ROBO1: variants seen among roughly 807,000 people sequenced by gnomAD.
ROBO1 encodes roundabout guidance receptor 1.
Under a neutral mutation model 195.9 loss-of-function variants are expected in ROBO1, and 149 were observed. That is an observed-to-expected ratio of 0.76 (90% CI 0.67 to 0.87). The LOEUF is 0.87. Ranked by LOEUF, ROBO1 falls within the 40% of genes least tolerant of loss-of-function variation. ROBO1 has a pLI of 0.00. For synonymous variants in ROBO1, 816 were observed against 733.2 expected (o/e 1.11, Z -1.82); for missense variants, 1,933 against 2,068.3 (o/e 0.93, Z 1.27).
chr3:78,676,071 G>T (rs1212704693), intron 10 of ROBO1, among the ~76,000 whole-genome samples: 2 of 152,176 alleles, frequency 1.3e-5, no homozygotes, highest in Non-Finnish European at 2.9e-5. Context: ...AACAGGGTCT[G>T]GAGTGGACCT....
intron 4 of ROBO1, among the ~76,000 whole-genome samples, chr3:78,910,639 C>T (rs1399411678): frequency 1.3e-5 from 2 of 151,868 alleles, no homozygotes; most frequent in Admixed American, 6.6e-5. Flanking sequence ...CGGCAAATGA[C>T]GGGATATGAC....
chr3:78,796,810 A>G (rs956660263), intron 4 of ROBO1, among the ~76,000 whole-genome samples: 36 of 152,228 alleles, frequency 2.4e-4, no homozygotes, highest in Non-Finnish European at 5.9e-5. Context: ...TCTCTCTGCA[A>G]CATGAGTGTT....
chr3:79,084,236 C>A (rs555010351), intron 3 of ROBO1, among the ~76,000 whole-genome samples: 1 of 152,144 alleles, frequency 6.6e-6, no homozygotes, highest in Non-Finnish European at 1.5e-5. Context: ...CGGTGGCTCA[C>A]GCCTGTAATC....
At chr3:79,044,146 A>G (rs1309389140) in intron 3 of ROBO1, among the ~76,000 whole-genome samples, 1 of 149,378 alleles carries the variant, frequency 6.7e-6, no homozygotes, top group East Asian at 2.0e-4. Flanking sequence ...AAAAAATCGC[A>G]AAAAAAAATC....
At chr3:79,007,002 C>A (rs2077639454) in intron 3 of ROBO1, among the ~76,000 whole-genome samples, 1 of 152,000 alleles carries the variant, frequency 6.6e-6, no homozygotes, top group Non-Finnish European at 1.5e-5. Flanking sequence ...TTTAAATAAA[C>A]AGGAAGGTAG....
intron 3 of ROBO1, among the ~76,000 whole-genome samples, chr3:78,976,673 A>G (rs1403729431): frequency 9.2e-5 from 14 of 152,150 alleles, no homozygotes; most frequent in Admixed American, 9.2e-4. Context: ...CTGTATTTTC[A>G]TCAGTAACTA....
In ROBO1 at chr3:79,594,481, C is replaced by T. The variant is rs567587543; in HGVS notation, c.-50-4520G>A. 3.9e-5 allele frequency among the ~76,000 whole-genome samples: 6 copies of T among 152,004 alleles called. No homozygotes were observed. In the South Asian group the frequency reaches 1.2e-3, roughly 32 times the overall value. Reference sequence around the variant, plus strand: ...ATACCTTTTTGAAAATATGTGATTACCAAATTGTTTAGGGTAATTTAAATG... The same window carrying T: ...ATACCTTTTTGAAAATATGTGATTATCAAATTGTTTAGGGTAATTTAAATG... On this transcript the variant is annotated intron_variant, in intron 1 of 30. Transcript: ENST00000464233.
chr3:79,328,151 A>G (rs2034291471), intron 2 of ROBO1, among the ~76,000 whole-genome samples: 1 of 152,198 alleles, frequency 6.6e-6, no homozygotes, highest in African/African-American at 2.4e-5. Flanking sequence ...ATAATATGAA[A>G]GTTACATTAC....
intron 2 of ROBO1, among the ~76,000 whole-genome samples, chr3:79,284,581 T>C (rs2031765634): frequency 6.6e-6 from 1 of 152,200 alleles, no homozygotes; most frequent in African/African-American, 2.4e-5. Context: ...TATAAACTTA[T>C]GTCTTAATTT....
chr3:78,775,240 C>G (rs1251146198), intron 4 of ROBO1, among the ~76,000 whole-genome samples: 1 of 152,098 alleles, frequency 6.6e-6, no homozygotes, highest in Non-Finnish European at 1.5e-5. Flanking sequence ...GAACACAAAC[C>G]TTGACCAGTT....
intron 4 of ROBO1, among the ~76,000 whole-genome samples, chr3:78,811,991 T>G (rs1435559634): frequency 2.6e-5 from 4 of 152,126 alleles, no homozygotes; most frequent in Non-Finnish European, 5.9e-5. Context: ...CTATTTAATG[T>G]TACGGTGGAA....
At chr3:78,670,912 A>C (rs1708029316) in intron 10 of ROBO1, among the ~76,000 whole-genome samples, 1 of 152,192 alleles carries the variant, frequency 6.6e-6, no homozygotes, top group Non-Finnish European at 1.5e-5. Flanking sequence ...ACCCAACTGT[A>C]ATGAATTCAA....
intron 3 of ROBO1, among the ~76,000 whole-genome samples, chr3:79,116,389 C>T (rs1030891781): frequency 2.1e-5 from 3 of 145,214 alleles, no homozygotes; most frequent in Non-Finnish European, 4.5e-5. Context: ...CTTTCTCTCT[C>T]CTTCCTTCCT....
intron 1 of ROBO1, among the ~76,000 whole-genome samples, chr3:79,737,655 T>C (rs1384231022): frequency 1.1e-5 from 1 of 90,234 alleles, no homozygotes; most frequent in Non-Finnish European, 2.4e-5. Context: ...CTTTGTCCTA[T>C]CAAAAAAAAA....
At chr3:79,032,057 G>A (rs1180813405) in intron 3 of ROBO1, among the ~76,000 whole-genome samples, 1 of 151,996 alleles carries the variant, frequency 6.6e-6, no homozygotes, top group African/African-American at 2.4e-5. Flanking sequence ...ATACTTATGT[G>A]TCATGAAATG....
At chr3:78,609,808 T>C (rs1559641684) in intron 28 of ROBO1, among the ~76,000 whole-genome samples, 1 of 152,212 alleles carries the variant, frequency 6.6e-6, no homozygotes, top group East Asian at 1.9e-4. Flanking sequence ...TTCATGGCCC[T>C]AAGAAGCATC....
At chr3:78,635,585 A>G (rs1210699556) in intron 23 of ROBO1, among the ~76,000 whole-genome samples, 188 bp downstream of exon 23, 1 of 152,174 alleles carries the variant, frequency 6.6e-6, no homozygotes, top group African/African-American at 2.4e-5. Flanking sequence ...TTATAAAATA[A>G]ATTTTCCAAG....
chr3:79,152,986 T>C (rs1267446618), intron 2 of ROBO1, among the ~76,000 whole-genome samples: 2 of 151,830 alleles, frequency 1.3e-5, no homozygotes, highest in Non-Finnish European at 2.9e-5. Flanking sequence ...GAGGTTCAAG[T>C]CTGGCAAAGG....
intron 2 of ROBO1, among the ~76,000 whole-genome samples, chr3:79,289,719 A>T (rs993313571): frequency 6.6e-6 from 1 of 152,218 alleles, no homozygotes; most frequent in African/African-American, 2.4e-5. Flanking sequence ...AGAAATAAAT[A>T]TTGTGACTGG....
Sources: gnomAD v4.1 joint callset for allele counts (sites outside exome capture counted in the v4.1 genomes callset) on GRCh38, gnomAD v4.1.1 for gene constraint, MANE v1.5 for transcripts, NCBI Gene and HGNC (gene_info 2026-07-23, HGNC 2026-07-21) for gene names.